RNFT2: variants seen among roughly 807,000 people sequenced by gnomAD.
RNFT2 encodes the protein ring finger protein, transmembrane 2, also known as E3 ubiquitin-protein ligase RNFT2.
RNFT2 carries 36 observed loss-of-function variants against 53.0 expected under a neutral mutation model. The observed-to-expected ratio is 0.68, with a 90% CI of 0.52 to 0.90. The LOEUF is 0.90. RNFT2 is among the 40% of genes least tolerant of loss of function. RNFT2 has a pLI of 0.00. For missense variants in RNFT2, 514 were observed against 585.6 expected (o/e 0.88, Z 1.26); for synonymous variants, 260 against 253.2 (o/e 1.03, Z -0.26).
At chr12:116,785,623 G>T (rs998478666) in intron 7 of RNFT2, among the ~76,000 whole-genome samples, 3 of 152,150 alleles carry the variant, frequency 2.0e-5, no homozygotes, top group African/African-American at 7.2e-5. Context: ...GCCCACCAGT[G>T]TATCTGTAAG....
At chr12:116,823,801 G>A (rs1876184402) in intron 7 of RNFT2, among the ~76,000 whole-genome samples, 1 of 151,996 alleles carries the variant, frequency 6.6e-6, no homozygotes, top group Non-Finnish European at 1.5e-5. Flanking sequence ...AACATTTATT[G>A]AGCACTTACC....
chr12:116,771,443 A>ACGAT (rs1393300668), intron 6 of RNFT2, among the ~76,000 whole-genome samples: 2 of 136,802 alleles, frequency 1.5e-5, no homozygotes, highest in African/African-American at 5.6e-5. Flanking sequence ...CTGGGTGACA[A>ACGAT]AATGAGATCC....
At chr12:116,784,613 C>T (rs1238404322) in intron 7 of RNFT2, among the ~76,000 whole-genome samples, 1 of 152,184 alleles carries the variant, frequency 6.6e-6, no homozygotes, top group Non-Finnish European at 1.5e-5. Flanking sequence ...GGCTTCTTCT[C>T]ATTGTTCTAG....
chr12:116,844,217 G>GT lies in RNFT2; in HGVS notation c.1201-5087dup, dbSNP rs377154469. Among the ~76,000 whole-genome samples, 615 of 149,340 alleles carry GT rather than the reference G, an allele frequency of 4.1e-3. 2 individuals carry two copies. Among genetic ancestry groups the GT allele is most frequent in the African/African-American group, 0.012 (503 of 40,788 alleles). ...ATGAATATGTGCTTGTGTATTATGG[G>GT]TTTTTTTTTTGTTTTGTTTCATTTT... On this transcript the variant is annotated intron_variant, in intron 10 of 10. Transcript: ENST00000257575.
chr12:116,841,186 T>C (rs1877230146), intron 10 of RNFT2, among the ~76,000 whole-genome samples: 2 of 152,206 alleles, frequency 1.3e-5, no homozygotes, highest in Admixed American at 6.5e-5. Context: ...GCATGGTAGC[T>C]CATGCCTATA....
At position 116,813,988 on chromosome 12, in the gene RNFT2, C is replaced by T. The variant is rs369296730; in HGVS notation, c.883-19804C>T. On this transcript the variant is annotated intron_variant, in intron 7 of 10. Transcript: ENST00000257575. ...GAATGAAGCCTTTTGATCACTACAG[C>T]TTAGTAAGTGCTAGGCTCGATTTAT... Among the ~76,000 whole-genome samples the T allele has an allele frequency of 5.3e-5, 8 of 152,266 alleles. No homozygotes were observed. In the East Asian group the frequency reaches 9.7e-4, roughly 18 times the overall value.
intron 7 of RNFT2, among the ~76,000 whole-genome samples, chr12:116,816,429 T>C (rs1036333440): frequency 6.6e-6 from 1 of 152,108 alleles, no homozygotes; most frequent in African/African-American, 2.4e-5. Context: ...CCTGGGACCA[T>C]AGCACCAGAG....
intron 7 of RNFT2, among the ~76,000 whole-genome samples, chr12:116,825,414 G>A (rs1876274296): frequency 6.6e-6 from 1 of 152,194 alleles, no homozygotes; most frequent in Admixed American, 6.5e-5. Flanking sequence ...AAATAAGGCA[G>A]CAGTAACATA....
chr12:116,771,945 G>A (rs1055469351), intron 6 of RNFT2, among the ~76,000 whole-genome samples: 9 of 152,160 alleles, frequency 5.9e-5, no homozygotes, highest in Non-Finnish European at 8.8e-5. Context: ...TGAACATCTC[G>A]AACGGTCAAC....
chr12:116,820,541 G>A (rs1875959981), intron 7 of RNFT2, among the ~76,000 whole-genome samples: 1 of 152,134 alleles, frequency 6.6e-6, no homozygotes, highest in Admixed American at 6.6e-5. Context: ...TCCCCCACCA[G>A]GGGTACCCAT....
In RNFT2 at chr12:116,835,950, C is replaced by G; in HGVS notation, c.1033-10C>G. 7.4e-6 allele frequency: 12 copies of G among 1,614,004 alleles called. No individual in the cohort carries two copies. Among genetic ancestry groups the G allele is most frequent in the African/African-American group, 1.3e-5 (1 of 75,048 alleles). Reference sequence around the variant, plus strand: ...GGTACATTTCAGCCACCACCCTGCTCTCCTTTCAGTCCTTCGACATCTGTG... The same window carrying G: ...GGTACATTTCAGCCACCACCCTGCTGTCCTTTCAGTCCTTCGACATCTGTG... On this transcript the variant is annotated splice_polypyrimidine_tract_variant and intron_variant, in intron 8 of 10. Transcript: ENST00000257575.
chr12:116,779,151 C>T, intron 6 of RNFT2, 44 bp from the exon 7 acceptor site: 1 of 1,609,314 alleles, frequency 6.2e-7, no homozygotes, highest in Non-Finnish European at 8.5e-7. Context: ...CTGCTGAGGC[C>T]TGGCCCTAAG....
chr12:116,804,270 T>C (rs1465231542), intron 7 of RNFT2, among the ~76,000 whole-genome samples: 1 of 152,214 alleles, frequency 6.6e-6, no homozygotes, highest in Non-Finnish European at 1.5e-5. Flanking sequence ...ACCAGTAGCA[T>C]GAGCACCTGG....
At chr12:116,817,722 G>T (rs559448573) in intron 7 of RNFT2, among the ~76,000 whole-genome samples, 2 of 152,316 alleles carry the variant, frequency 1.3e-5, no homozygotes, top group East Asian at 3.9e-4. Flanking sequence ...GAACTTCCTA[G>T]AAAGTATGGA....
rs1056554368 is a variant in RNFT2 at position 116,851,044 on chromosome 12, C to T, written c.*1596C>T. On this transcript the variant is annotated 3_prime_UTR_variant, in exon 11 of 11. Coordinates refer to ENST00000257575, the MANE Select transcript of RNFT2 (RefSeq NM_001382266.1). ...AGCATGCAGCATCCTGCTTGGATTA[C>T]GTGCTGTCATCCTCACAACAGCCCT... 15 of 152,238 alleles carry T rather than the reference C, an allele frequency of 9.9e-5. No homozygotes were observed. Among genetic ancestry groups the T allele is most frequent in the Middle Eastern group, 3.4e-3 (1 of 296 alleles). 9.4% of individuals were successfully genotyped at this position (152,238 alleles called of 1,614,324 possible). A position where few individuals can be genotyped will look rare whatever the true frequency, so the allele number is the denominator to read the frequency against.
chr12:116,745,836 C>A, intron 3 of RNFT2, among the ~76,000 whole-genome samples: 1 of 152,202 alleles, frequency 6.6e-6, no homozygotes, highest in Middle Eastern at 3.4e-3. Context: ...TGCATTGTGC[C>A]GGGTGGTAAA....
intron 10 of RNFT2, among the ~76,000 whole-genome samples, chr12:116,837,989 G>A (rs1877061856): frequency 6.6e-6 from 1 of 151,764 alleles, no homozygotes; most frequent in Admixed American, 6.6e-5. Context: ...GTATATGTGT[G>A]TATATATTTA....
intron 5 of RNFT2, among the ~76,000 whole-genome samples, chr12:116,760,776 T>G (rs1356622328): frequency 1.3e-5 from 2 of 152,258 alleles, no homozygotes; most frequent in Non-Finnish European, 2.9e-5. Context: ...TTGCAGTCAA[T>G]CTGGTGCTAA....
chr12:116,791,167 G>A (rs1440840270), intron 7 of RNFT2, among the ~76,000 whole-genome samples: 3 of 152,106 alleles, frequency 2.0e-5, no homozygotes, highest in Admixed American at 2.0e-4. Context: ...CTGCCAATCT[G>A]CTTTTCATCT....
Sources: allele counts gnomAD v4.1 joint callset (sites outside exome capture counted in the v4.1 genomes callset), GRCh38; gene constraint gnomAD v4.1.1; transcripts MANE v1.5; gene names NCBI Gene and HGNC (gene_info 2026-07-23, HGNC 2026-07-21).